Variants in GBE1 observed in about 807,000 individuals in gnomAD.
GBE1 encodes the protein 1,4-alpha-glucan branching enzyme 1.
In GBE1, 70 loss-of-function variants were observed where a neutral mutation model predicts 88.8. The observed-to-expected ratio is 0.79, with a 90% CI of 0.65 to 0.96. The LOEUF (loss-of-function observed/expected upper bound fraction) is 0.96, where lower values mean the gene tolerates loss of function less well. Among genes scored for constraint, GBE1 ranks in the 40% least tolerant of loss-of-function variants. The pLI, the probability that GBE1 is intolerant of heterozygous loss-of-function variation, is 0.00. For missense variants in GBE1, 872 were observed against 871.0 expected, an observed-to-expected ratio of 1.00 and a Z score of -0.01; for synonymous variants, 284 against 300.1, an observed-to-expected ratio of 0.95 and a Z score of 0.56.
At chr3:81,743,553 T>C in intron 1 of GBE1, 1 of 1,529,656 alleles carries the variant, frequency 6.5e-7, no homozygotes, top group Non-Finnish European at 8.8e-7. Flanking sequence ...TCATAATGAG[T>C]CACCTCACTT....
At chr3:81,675,544 T>G (rs193126478) in intron 2 of GBE1, among the ~76,000 whole-genome samples, 76 of 152,180 alleles carry the variant, frequency 5.0e-4, no homozygotes, top group African/African-American at 1.8e-3. Flanking sequence ...CTCTATGATA[T>G]TCACACCGAA....
intron 3 of GBE1, among the ~76,000 whole-genome samples, chr3:81,658,430 T>C (rs1704973428): frequency 1.3e-5 from 2 of 152,096 alleles, no homozygotes; most frequent in African/African-American, 2.4e-5. Flanking sequence ...ATAAATATAT[T>C]ACAATCTCAT....
chr3:81,528,957 G>T (rs1702982019), intron 14 of GBE1, among the ~76,000 whole-genome samples: 1 of 151,988 alleles, frequency 6.6e-6, no homozygotes, highest in African/African-American at 2.4e-5. Flanking sequence ...GGAGAGTTCA[G>T]TCCATTTACA....
chr3:81,516,875 T>G (rs1702805085), intron 14 of GBE1, among the ~76,000 whole-genome samples: 1 of 151,590 alleles, frequency 6.6e-6, no homozygotes, highest in Non-Finnish European at 1.5e-5. Flanking sequence ...CGTGACTGAA[T>G]TGCTGCAGTC....
At chr3:81,525,403 C>T (rs921152111) in intron 14 of GBE1, among the ~76,000 whole-genome samples, 7 of 151,984 alleles carry the variant, frequency 4.6e-5, no homozygotes, top group Admixed American at 1.3e-4. Flanking sequence ...GGTGGATAAG[C>T]GTTTTGATGT....
rs562990643 is a variant in GBE1, at chr3:81,732,065, AT to A, written c.144-26453del. ...AACTTCAGACAATGATTACATCACC[AT>A]GAAGACAATTGTCTGCTTTGTTTAT... On this transcript the variant is annotated intron_variant, in intron 1 of 15. Coordinates refer to ENST00000429644, the MANE Select transcript of GBE1 (RefSeq NM_000158.4). Among the ~76,000 whole-genome samples the A allele has an allele frequency of 2.0e-4, 31 of 152,320 alleles. No individual in the cohort carries two copies. In the East Asian group the frequency reaches 6.0e-3, roughly 29 times the overall value.
chr3:81,613,388 T>A (rs1157551283), intron 7 of GBE1, among the ~76,000 whole-genome samples: 1 of 152,104 alleles, frequency 6.6e-6, no homozygotes, highest in Admixed American at 6.6e-5. Context: ...GCTACTGGAA[T>A]CTGGAGGGTG....
intron 9 of GBE1, among the ~76,000 whole-genome samples, chr3:81,586,649 T>C (rs1703806314): frequency 6.6e-6 from 1 of 152,164 alleles, no homozygotes; most frequent in Non-Finnish European, 1.5e-5. Context: ...AGTTAGTACA[T>C]TAACAGTGAA....
At chr3:81,561,268 A>G (rs1209880549) in intron 12 of GBE1, among the ~76,000 whole-genome samples, 1 of 152,072 alleles carries the variant, frequency 6.6e-6, no homozygotes, top group Non-Finnish European at 1.5e-5. Flanking sequence ...TCAAACTTGT[A>G]CAGTCAAAGA....
intron 1 of GBE1, among the ~76,000 whole-genome samples, chr3:81,726,051 CTT>C (rs113893173): frequency 2.5e-4 from 36 of 145,724 alleles, no homozygotes; most frequent in Non-Finnish European, 4.7e-4. Context: ...ATCAATAGGC[CTT>C]TTTTTTTTTA....
At chr3:81,517,458 T>C (rs1334965933) in intron 14 of GBE1, among the ~76,000 whole-genome samples, 1 of 151,508 alleles carries the variant, frequency 6.6e-6, no homozygotes, top group Non-Finnish European at 1.5e-5. Context: ...ATTTGCTTTA[T>C]TCCAGTGGTC....
At chr3:81,543,067 C>A (rs376258503) in intron 12 of GBE1, among the ~76,000 whole-genome samples, 1 of 151,838 alleles carries the variant, frequency 6.6e-6, no homozygotes, top group Non-Finnish European at 1.5e-5. Context: ...TTAAGAGCAT[C>A]TCAAGAAGCA....
Position 81,512,607 on chromosome 3 carries a change from T to C in GBE1, c.1935-13380A>G, listed in dbSNP as rs77449366. On this transcript the variant is annotated intron_variant, in intron 14 of 15. Coordinates refer to ENST00000429644, the MANE Select transcript of GBE1 (RefSeq NM_000158.4). ...GAGGGCAACAAAAAGATGAATTATC[T>C]GGTGACCAAATGTAAAACTGTACTG... 9.8e-3 allele frequency among the ~76,000 whole-genome samples: 1,489 copies of C among 151,990 alleles called. 19 individuals carry two copies. Among genetic ancestry groups the C allele is most frequent in the African/African-American group, 0.035 (1,444 of 41,522 alleles).
At chr3:81,652,047 T>C (rs1704858560) in intron 3 of GBE1, among the ~76,000 whole-genome samples, 1 of 152,360 alleles carries the variant, frequency 6.6e-6, no homozygotes, top group South Asian at 2.1e-4. Flanking sequence ...CCATTGTTAA[T>C]GGGAGCCATT....
intron 1 of GBE1, among the ~76,000 whole-genome samples, chr3:81,742,539 A>G (rs1706363192): frequency 6.6e-6 from 1 of 152,188 alleles, no homozygotes; most frequent in South Asian, 2.1e-4. Context: ...TAGGCGCCCC[A>G]TCATTTGCTA....
chr3:81,567,356 T>C (rs1703507858), intron 12 of GBE1, among the ~76,000 whole-genome samples: 2 of 152,224 alleles, frequency 1.3e-5, no homozygotes, highest in Admixed American at 1.3e-4. Flanking sequence ...TGGACTTTCT[T>C]TTCTTCCTGG....
At chr3:81,612,933 GA>G in intron 7 of GBE1, 4 of 390,360 alleles carry the variant, frequency 1.0e-5, no homozygotes, top group South Asian at 7.0e-5. Flanking sequence ...AGGAAAAGGA[GA>G]AAAAGATGAT....
At chr3:81,684,168 T>C (rs749831368) in intron 2 of GBE1, among the ~76,000 whole-genome samples, 4 of 152,162 alleles carry the variant, frequency 2.6e-5, no homozygotes, top group Non-Finnish European at 5.9e-5. Flanking sequence ...ATCACAGAGC[T>C]ACTACATGAC....
Position 81,578,083 on chromosome 3 carries a change from T to C in GBE1, c.1460A>G (p.Asp487Gly), listed in dbSNP as rs747404758. The C allele has an allele frequency of 1.9e-6, 3 of 1,599,636 alleles. No homozygotes were observed. The highest frequency in any genetic ancestry group is 2.6e-6 in the Non-Finnish European group (3 of 1,173,278). ...CATCAACCAAAATGCCAGCGACTTATCCCCAACCAATGCCTACAGAAATAA... is the reference window on the plus strand; with the variant it reads ...CATCAACCAAAATGCCAGCGACTTACCCCCAACCAATGCCTACAGAAATAA... ...AESHDQALVGDKSLAFWLMDA... is the reference protein window; with the variant it reads ...AESHDQALVGGKSLAFWLMDA... The change falls in exon 12 of 16, where the codon GAT (aspartate) becomes GGT (glycine). Residue 487 changes from aspartate to glycine, a missense_variant. Physicochemically the swap from Asp to Gly is moderately conservative, Grantham distance 94 (BLOSUM62 -1). Transcript: ENST00000429644.
Sources: gnomAD v4.1 joint callset for allele counts (sites outside exome capture counted in the v4.1 genomes callset) on GRCh38, gnomAD v4.1.1 for gene constraint, MANE v1.5 for transcripts, NCBI Gene and HGNC (gene_info 2026-07-23, HGNC 2026-07-21) for gene names.